The following BTAF1 variants were observed in gnomAD, a reference collection of about 807,000 sequenced individuals.
BTAF1 encodes TATA-binding protein-associated factor 172.
A neutral mutation model predicts 227.1 loss-of-function variants in BTAF1; 38 were observed. That is an observed-to-expected ratio of 0.17 (90% CI 0.13 to 0.22). BTAF1 has a LOEUF of 0.22. BTAF1 is among the 10% of genes least tolerant of loss of function. The pLI, the probability that BTAF1 is intolerant of heterozygous loss-of-function variation, is 1.00. For missense variants in BTAF1, 1,598 were observed against 2,204.0 expected (o/e 0.73, Z 5.51); for synonymous variants, 742 against 751.9 (o/e 0.99, Z 0.21).
chr10:91,985,137 T>G (rs2133995910), intron 19 of BTAF1, among the ~76,000 whole-genome samples: 1 of 152,234 alleles, frequency 6.6e-6, no homozygotes, highest in South Asian at 2.1e-4. Flanking sequence ...TTCCCAGTAA[T>G]CTCTGCCTCT....
In BTAF1 at chr10:92,009,652, A is replaced by G. The variant is rs373764390; in HGVS notation, c.4103+444A>G. ...GGAGTTCAAGGCCAGCCTGGGCAACATAGTGAGTTCCCCTCTCTTAAATAA... is the reference window on the plus strand; with the variant it reads ...GGAGTTCAAGGCCAGCCTGGGCAACGTAGTGAGTTCCCCTCTCTTAAATAA... On this transcript the variant is annotated intron_variant, in intron 28 of 37. Coordinates refer to ENST00000265990, the MANE Select transcript of BTAF1 (RefSeq NM_003972.3). 3.9e-5 allele frequency among the ~76,000 whole-genome samples: 6 copies of G among 152,340 alleles called. No homozygotes were observed. The South Asian group carries it at 1.2e-3, about 32-fold the overall frequency.
rs1851790600 is a variant in BTAF1, at chr10:92,029,983, G to GGTATATGTAGATAGATGTGCAT, written c.*1055_*1076dup. The GGTATATGTAGATAGATGTGCAT allele has an allele frequency of 6.6e-6, 1 of 152,468 alleles. No individual in the cohort carries two copies. Among genetic ancestry groups the GGTATATGTAGATAGATGTGCAT allele is most frequent in the Non-Finnish European group, 1.5e-5 (1 of 67,950 alleles). 9.4% of individuals were successfully genotyped at this position (152,468 alleles called of 1,614,324 possible). A position where few individuals can be genotyped will look rare whatever the true frequency, so the allele number is the denominator to read the frequency against. On this transcript the variant is annotated 3_prime_UTR_variant, in exon 38 of 38. Coordinates refer to ENST00000265990, the MANE Select transcript of BTAF1 (RefSeq NM_003972.3). ...GGCTGATTACTCAATGGTGAGGGTA[G>GGTATATGTAGATAGATGTGCAT]GTATATGTAGATAGATGTGCATGTA...
rs932266905 is a variant in BTAF1, at chr10:91,997,101, A to G, written c.3512-502A>G. 6.2e-6 allele frequency: 8 copies of G among 1,288,216 alleles called. No homozygotes were observed. The African/African-American group carries it at 1.2e-4, about 20-fold the overall frequency. The allele number at this position is 1,288,216 out of a possible 1,614,324, so 79.8% of individuals were successfully genotyped here. A position where few individuals can be genotyped will look rare whatever the true frequency, so the allele number is the denominator to read the frequency against. ...AAAGATATTTCACAGAGCTCAAAAG[A>G]TGGATGAAGATCAAATCAGTAGAAA... On this transcript the variant is annotated intron_variant, in intron 24 of 37. Transcript: ENST00000265990.
intron 19 of BTAF1, among the ~76,000 whole-genome samples, chr10:91,988,660 G>A (rs1172774347): frequency 1.3e-5 from 2 of 152,202 alleles, no homozygotes; most frequent in African/African-American, 4.8e-5. Context: ...CCACCAGAAG[G>A]GAGGTTAAAG....
At chr10:91,983,442 A>G (rs1441264913) in intron 18 of BTAF1, among the ~76,000 whole-genome samples, 3 of 152,226 alleles carry the variant, frequency 2.0e-5, no homozygotes, top group Non-Finnish European at 4.4e-5. Flanking sequence ...GCTGTATCTA[A>G]AAGTAATTGA....
chr10:91,962,506 AAATT>A, intron 11 of BTAF1, 28 bp from the exon 12 acceptor site: 1 of 1,439,320 alleles, frequency 6.9e-7, no homozygotes, highest in Non-Finnish European at 9.5e-7. Flanking sequence ...GTAGAATAGA[AAATT>A]AATTTATTTT....
chr10:92,011,192 T>G (rs1354165779), intron 29 of BTAF1, 42 bp downstream of exon 29: 2 of 1,524,950 alleles, frequency 1.3e-6, no homozygotes, highest in Admixed American at 4.1e-5. Context: ...ATATCAAATT[T>G]GAAGACTCTT....
chr10:91,948,699 TA>T (rs11331302), intron 4 of BTAF1, among the ~76,000 whole-genome samples: 43,900 of 142,706 alleles, frequency 0.31, 7,504 homozygotes, highest in South Asian at 0.5. Context: ...TCTTTTTTAT[TA>T]AAAAAAAAAA....
In BTAF1 at chr10:92,011,157, A is replaced by AT. The variant is rs1177630772; in HGVS notation, c.4181+9dup. The AT allele has an allele frequency of 1.3e-6, 2 of 1,571,182 alleles. No individual in the cohort carries two copies. The highest frequency in any genetic ancestry group is 1.7e-6 in the Non-Finnish European group (2 of 1,161,386). Reference sequence around the variant, plus strand: ...ATGACATAGATTTCTTTAGGTAAGAATTAATTTTTTTTTTAGAAAAATTAA... The same window carrying AT: ...ATGACATAGATTTCTTTAGGTAAGAATTTAATTTTTTTTTTAGAAAAATTAA... On this transcript the variant is annotated splice_region_variant and intron_variant, in intron 29 of 37. Transcript: ENST00000265990.
Position 91,997,710 on chromosome 10 carries a change from A to C in BTAF1, c.3619A>C (p.Thr1207Pro). ...GACAGACAGTGTGAGATTCATGGCCACGCAGTGCTTTGCAACGCTAATTAG... is the reference window on the plus strand; with the variant it reads ...GACAGACAGTGTGAGATTCATGGCCCCGCAGTGCTTTGCAACGCTAATTAG... ...DQTDSVRFMA[T>P]QCFATLIRLM... is the part of the protein sequence containing the mutation. The change falls in exon 25 of 38, where the codon ACG (threonine) becomes CCG (proline). Residue 1207 changes from threonine (T) to proline (P), a missense_variant. Physicochemically the swap from Thr to Pro is conservative, Grantham distance 38 (BLOSUM62 -1). Around this residue, in one of 10 missense-constraint regions of BTAF1, gnomAD observed 425 missense variants for 491.2 expected, o/e 0.87. Coordinates refer to ENST00000265990, the MANE Select transcript of BTAF1 (RefSeq NM_003972.3). 6.2e-7 allele frequency: 1 copy of C among 1,614,096 alleles called. No homozygotes were observed. Among genetic ancestry groups the C allele is most frequent in the South Asian group, 1.1e-5 (1 of 91,082 alleles).
At chr10:91,948,946 G>A (rs984658718) in intron 4 of BTAF1, among the ~76,000 whole-genome samples, 1 of 152,044 alleles carries the variant, frequency 6.6e-6, no homozygotes, top group African/African-American at 2.4e-5. Flanking sequence ...CTCTACCAAG[G>A]TATCCTATCT....
At chr10:91,981,535 C>G in intron 15 of BTAF1, 108 bp from the exon 16 acceptor site, 1 of 1,138,354 alleles carries the variant, frequency 8.8e-7, no homozygotes, top group Non-Finnish European at 1.2e-6. Context: ...CTAAATTAAT[C>G]TCTGTGCTAT....
At chr10:91,951,346 C>T (rs1243801197) in intron 4 of BTAF1, 57 bp from the exon 5 acceptor site, 13 of 1,537,902 alleles carry the variant, frequency 8.5e-6, no homozygotes, top group East Asian at 6.9e-5. Context: ...TTGATGTGCA[C>T]GTATTAGAAA....
intron 6 of BTAF1, among the ~76,000 whole-genome samples, chr10:91,954,809 C>T (rs369106084): frequency 2.6e-5 from 4 of 152,138 alleles, no homozygotes; most frequent in Non-Finnish European, 5.9e-5. Context: ...CCTCCTTCCT[C>T]GGCCTCCCAA....
At chr10:91,951,169 G>A (rs1297316339) in intron 4 of BTAF1, among the ~76,000 whole-genome samples, 7 of 152,068 alleles carry the variant, frequency 4.6e-5, no homozygotes, top group Non-Finnish European at 7.4e-5. Flanking sequence ...CTAATTAACA[G>A]TTGGGGAATG....
intron 14 of BTAF1, among the ~76,000 whole-genome samples, chr10:91,978,414 A>G (rs1311566305): frequency 6.6e-6 from 1 of 152,130 alleles, no homozygotes; most frequent in Non-Finnish European, 1.5e-5. Flanking sequence ...AAATTAAGAG[A>G]CATTATGGAA....
At chr10:91,931,150 GT>G (rs968716773) in intron 1 of BTAF1, among the ~76,000 whole-genome samples, 1 of 152,166 alleles carries the variant, frequency 6.6e-6, no homozygotes, top group African/African-American at 2.4e-5. Flanking sequence ...GAGGAGAGGG[GT>G]TAGATTGCAA....
chr10:91,977,489 C>G (rs979289083), intron 14 of BTAF1, among the ~76,000 whole-genome samples: 11 of 152,062 alleles, frequency 7.2e-5, no homozygotes, highest in African/African-American at 2.7e-4. Flanking sequence ...ATTCACCTAC[C>G]GAAGACATCT....
intron 34 of BTAF1, among the ~76,000 whole-genome samples, chr10:92,023,092 A>T (rs1311144818): frequency 6.6e-6 from 1 of 152,160 alleles, no homozygotes; most frequent in African/African-American, 2.4e-5. Context: ...ATGGATCAAA[A>T]TTCCAGACCC....
Sources: allele counts gnomAD v4.1 joint callset (sites outside exome capture counted in the v4.1 genomes callset), GRCh38; gene constraint gnomAD v4.1.1; regional missense constraint gnomAD v4.1.1; transcripts MANE v1.5; gene names NCBI Gene and HGNC (gene_info 2026-07-23, HGNC 2026-07-21).